HERC1: variants seen among roughly 807,000 people sequenced by gnomAD.
HERC1 encodes the protein HECT and RLD domain containing E3 ubiquitin protein ligase family member 1, also known as probable E3 ubiquitin-protein ligase HERC1.
Under a neutral mutation model 554.3 loss-of-function variants are expected in HERC1, and 160 were observed. That is an observed-to-expected ratio of 0.29 (90% CI 0.25 to 0.33). HERC1 has a LOEUF of 0.33. HERC1 is among the 10% of genes least tolerant of loss of function. HERC1 has a pLI of 1.00. For missense variants in HERC1, 4,919 were observed against 5,918.5 expected (o/e 0.83, Z 5.54); for synonymous variants, 2,175 against 2,131.7 (o/e 1.02, Z -0.56).
chr15:63,813,311 GACACACACACAC>G (rs10534978), intron 1 of HERC1, among the ~76,000 whole-genome samples: 61 of 139,504 alleles, frequency 4.4e-4, no homozygotes, highest in African/African-American at 1.3e-3. Context: ...ATCAGAGATG[GACACACACACAC>G]ACACACACAC....
In HERC1 at chr15:63,725,306, T is replaced by C. The variant is rs1389150121; in HGVS notation, c.3554A>G (p.Asp1185Gly). The C allele has an allele frequency of 6.2e-7, 1 of 1,613,536 alleles. No individual in the cohort carries two copies. The highest frequency in any genetic ancestry group is 8.5e-7 in the Non-Finnish European group (1 of 1,179,694). Residue 1185 changes from aspartate to glycine, a missense_variant, in exon 18 of 78, where the codon GAC becomes GGC. Asp to Gly is a moderately conservative substitution (Grantham distance 94). Transcript: ENST00000443617. ...TPLFSDGVEM[D>G]TPQLDKCMSC... ...AAGCACATTACCCAATTGAGGAGTG[T>C]CCATTTCTACACCGTCACTGAACAG...
At position 63,686,476 on chromosome 15, in the gene HERC1, G is replaced by A. The variant is rs1290021771; in HGVS notation, c.6108C>T (p.Asp2036=). Residue 2036 remains aspartate (D), a synonymous_variant, in exon 34 of 78, where the codon GAC becomes GAT. Transcript: ENST00000443617. ...CTAGGCAACACTGAGCTTTCTCCGGGTCAAAGGATACTTCTTGGATAGGAA... is the reference window on the plus strand; with the variant it reads ...CTAGGCAACACTGAGCTTTCTCCGGATCAAAGGATACTTCTTGGATAGGAA... ...ENLPIQEVSF[D]PEKAQCCLVE... is the part of the protein sequence containing the mutation. 1 of 1,613,788 alleles carries A rather than the reference G, an allele frequency of 6.2e-7. No individual in the cohort carries two copies. The highest frequency in any genetic ancestry group is 1.1e-5 in the South Asian group (1 of 91,074).
In HERC1 at chr15:63,637,593, C is replaced by A. The variant is rs941815752; in HGVS notation, c.12144G>T (p.Val4048=). 12 of 1,554,776 alleles carry A rather than the reference C, an allele frequency of 7.7e-6. No individual in the cohort carries two copies. Among genetic ancestry groups the A allele is most frequent in the Non-Finnish European group, 1.0e-5 (12 of 1,148,032 alleles). ...CATAACTTCCTTCCCCACAAGCCAA[C>A]ACTGTGCCATTGGCCTGGATGACAA... ...CTFVIQANGT[V]LACGEGSYGR... The change falls in exon 64 of 78, where the codon GTG becomes GTT. Residue 4048 remains valine, a synonymous_variant. Transcript: ENST00000443617.
rs115264323 is a variant in HERC1 at position 63,744,215 on chromosome 15, T to A, written c.2520+2703A>T. ...CTCTCTCTGTCTCTCCTCAGCCACCTAAAGCTGGGGGTGGAGTGACACAAG... is the reference window on the plus strand; with the variant it reads ...CTCTCTCTGTCTCTCCTCAGCCACCAAAAGCTGGGGGTGGAGTGACACAAG... On this transcript the variant is annotated intron_variant, in intron 12 of 77. Transcript: ENST00000443617. 5.1e-3 allele frequency among the ~76,000 whole-genome samples: 753 copies of A among 148,058 alleles called. 9 individuals carry two copies. Among genetic ancestry groups the A allele is most frequent in the African/African-American group, 0.018 (724 of 40,268 alleles).
chr15:63,640,535 A>G, intron 60 of HERC1, 90 bp from the exon 61 acceptor site: 1 of 1,097,370 alleles, frequency 9.1e-7, no homozygotes, highest in Non-Finnish European at 1.3e-6. Context: ...CTGGAATCAT[A>G]TTTTTCAAGT....
Position 63,729,305 on chromosome 15 carries a change from T to C in HERC1, c.3085A>G (p.Ile1029Val), listed in dbSNP as rs1389929301. The C allele has an allele frequency of 9.9e-6, 16 of 1,611,762 alleles. No individual in the cohort carries two copies. Among genetic ancestry groups the C allele is most frequent in the Non-Finnish European group, 1.0e-5 (12 of 1,178,956 alleles). Reference protein sequence around the residue: ...LQLLLPHATDIYSRSANLLKE... With the variant: ...LQLLLPHATDVYSRSANLLKE... ...AGCAAATTTGCAGAACGTGAATAAATATCTGTGGCATGAGGCAACAAAAGC... is the reference window on the plus strand; with the variant it reads ...AGCAAATTTGCAGAACGTGAATAAACATCTGTGGCATGAGGCAACAAAAGC... The change falls in exon 16 of 78, where the codon ATT becomes GTT. Residue 1029 changes from isoleucine to valine, a missense_variant. Around this residue, in one of 11 missense-constraint regions of HERC1, gnomAD observed 1,121 missense variants for 1,244.0 expected, o/e 0.90. Coordinates refer to ENST00000443617, the MANE Select transcript of HERC1 (RefSeq NM_003922.4).
At chr15:63,663,934 A>G (rs1361034802) in intron 43 of HERC1, among the ~76,000 whole-genome samples, 2 of 152,246 alleles carry the variant, frequency 1.3e-5, no homozygotes, top group Non-Finnish European at 2.9e-5. Context: ...GTTTTGACAA[A>G]TCACATATTC....
chr15:63,787,005 CTAATTTTTGCATTTT>C (rs2076475182), intron 1 of HERC1, among the ~76,000 whole-genome samples: 1 of 150,034 alleles, frequency 6.7e-6, no homozygotes, highest in Non-Finnish European at 1.5e-5. Flanking sequence ...CCATGCCCAG[CTAATTTTTGCATTTT>C]TAGTAGAGAT....
At position 63,698,890 on chromosome 15, in the gene HERC1, A is replaced by T; in HGVS notation, c.4743T>A (p.Asp1581Glu). Residue 1581 changes from aspartate to glutamate, a missense_variant, in exon 26 of 78, where the codon GAT (aspartate) becomes GAA (glutamate). Asp to Glu is a conservative substitution (Grantham distance 45, BLOSUM62 2). This residue lies in a region of HERC1 where 1,121 missense variants were observed against 1,244.0 expected (regional missense o/e 0.90). Coordinates refer to ENST00000443617, the MANE Select transcript of HERC1 (RefSeq NM_003922.4). The part of the protein sequence containing the change: ...NSSYSFESDF[D>E]LTKSLGVHTL... Reference sequence around the variant, plus strand: ...TGTGAACTCCCAAAGACTTGGTAAGATCAAAATCTGACTCAAAGGAATAGG... The same window carrying T: ...TGTGAACTCCCAAAGACTTGGTAAGTTCAAAATCTGACTCAAAGGAATAGG... The T allele has an allele frequency of 6.2e-7, 1 of 1,614,016 alleles. No individual in the cohort carries two copies. Among genetic ancestry groups the T allele is most frequent in the South Asian group, 1.1e-5 (1 of 91,086 alleles).
intron 70 of HERC1, among the ~76,000 whole-genome samples, chr15:63,626,710 C>T (rs946089595): frequency 2.0e-5 from 3 of 152,226 alleles, no homozygotes; most frequent in African/African-American, 7.2e-5. Context: ...CCTGCAGCCA[C>T]AGCTACCCTC....
intron 2 of HERC1, among the ~76,000 whole-genome samples, chr15:63,771,130 A>C (rs1041759599): frequency 6.6e-6 from 1 of 151,996 alleles, no homozygotes; most frequent in Non-Finnish European, 1.5e-5. Context: ...CAGAGGTTGC[A>C]GTGAGCCAAG....
At chr15:63,666,229 T>C (rs1256054639) in intron 41 of HERC1, 79 bp from the exon 42 acceptor site, 2 of 1,395,046 alleles carry the variant, frequency 1.4e-6, no homozygotes, top group African/African-American at 2.9e-5. Flanking sequence ...TTTGCTATGA[T>C]GCTCTTGTAA....
At position 63,622,906 on chromosome 15, in the gene HERC1, A is replaced by G. The variant is rs765993900; in HGVS notation, c.13612-15T>C. 1.3e-6 allele frequency: 2 copies of G among 1,567,896 alleles called. No individual in the cohort carries two copies. The highest frequency in any genetic ancestry group is 1.7e-6 in the Non-Finnish European group (2 of 1,158,590). ...GTTTCAAGTTCCTGCAGAAGAAAGA[A>G]AAAAATTTTTTGAGAAATGACAATC... On this transcript the variant is annotated splice_polypyrimidine_tract_variant and intron_variant, in intron 73 of 77. Coordinates refer to ENST00000443617, the MANE Select transcript of HERC1 (RefSeq NM_003922.4).
chr15:63,700,783 T>G (rs2072676717), intron 25 of HERC1, among the ~76,000 whole-genome samples: 1 of 149,588 alleles, frequency 6.7e-6, no homozygotes, highest in South Asian at 2.1e-4. Flanking sequence ...CCTAAAAATT[T>G]CCCCAAATTG....
rs2153021495 is a variant in HERC1, at chr15:63,686,343, T to G, written c.6225+16A>C. ...TAAAAGACAAAATGCTAAAAACTATTAGATTTTCTACGTACCTTCCACTGA... is the reference window on the plus strand; with the variant it reads ...TAAAAGACAAAATGCTAAAAACTATGAGATTTTCTACGTACCTTCCACTGA... On this transcript the variant is annotated intron_variant, in intron 34 of 77. Coordinates refer to ENST00000443617, the MANE Select transcript of HERC1 (RefSeq NM_003922.4). The G allele has an allele frequency of 2.6e-6, 4 of 1,560,646 alleles. No homozygotes were observed. The highest frequency in any genetic ancestry group is 3.5e-6 in the Non-Finnish European group (4 of 1,156,254).
At chr15:63,753,857 T>C (rs2075330433) in intron 7 of HERC1, among the ~76,000 whole-genome samples, 1 of 152,162 alleles carries the variant, frequency 6.6e-6, no homozygotes, top group South Asian at 2.1e-4. Flanking sequence ...AAGAATGATG[T>C]AGAGTCATGC....
At position 63,833,749 on chromosome 15, in the gene HERC1, G is replaced by GCACACACA. The variant is rs1206350552; in HGVS notation, c.-27+77_-27+78insTGTGTGTG. 2.8e-4 allele frequency: 8 copies of GCACACACA among 28,456 alleles called. 1 individual carries two copies. Among genetic ancestry groups the GCACACACA allele is most frequent in the African/African-American group, 9.2e-4 (7 of 7,574 alleles). 1.8% of individuals were successfully genotyped at this position (28,456 alleles called of 1,614,324 possible). On this transcript the variant is annotated intron_variant, in intron 1 of 77. Coordinates refer to ENST00000443617, the MANE Select transcript of HERC1 (RefSeq NM_003922.4). The stretch of plus-strand genomic sequence containing the variant: ...CGCGGCCGGCAAAGCACACACGCGC[G>GCACACACA]CGCGCACACACACACACACACACAC...
chr15:63,720,729 G>C (rs555482365), intron 19 of HERC1, among the ~76,000 whole-genome samples: 1 of 152,182 alleles, frequency 6.6e-6, no homozygotes, highest in African/African-American at 2.4e-5. Flanking sequence ...CCATGGAATT[G>C]CTTGCTATTC....
chr15:63,691,709 T>C (rs1256565781), intron 31 of HERC1, among the ~76,000 whole-genome samples: 1 of 152,140 alleles, frequency 6.6e-6, no homozygotes, highest in Non-Finnish European at 1.5e-5. Context: ...TGTAAACATA[T>C]AAAATACCAT....
Sources: allele counts gnomAD v4.1 joint callset (sites outside exome capture counted in the v4.1 genomes callset), GRCh38; gene constraint gnomAD v4.1.1; regional missense constraint gnomAD v4.1.1; transcripts MANE v1.5; gene names NCBI Gene and HGNC (gene_info 2026-07-23, HGNC 2026-07-21).